KIT: variants seen among roughly 807,000 people sequenced by gnomAD.
KIT encodes mast/stem cell growth factor receptor Kit.
KIT carries 16 observed loss-of-function variants against 105.7 expected under a neutral mutation model. The observed-to-expected ratio is 0.15, with a 90% CI of 0.10 to 0.23. The LOEUF (loss-of-function observed/expected upper bound fraction) is 0.23. Among genes scored for constraint, KIT ranks in the 10% least tolerant of loss-of-function variants. The probability of loss-of-function intolerance (pLI) is 1.00; values close to 1 mark genes in which losing one functional copy is unlikely to be tolerated. For missense variants in KIT, 858 were observed against 1,213.8 expected (o/e 0.71, Z 4.36); for synonymous variants, 438 against 441.1 (o/e 0.99, Z 0.09).
intron 1 of KIT, 46 bp from the exon 2 acceptor site, chr4:54,695,466 C>T: frequency 6.2e-7 from 1 of 1,609,654 alleles, no homozygotes; most frequent in Non-Finnish European, 8.5e-7. Flanking sequence ...CTTTATTTCG[C>T]CAAGGAAGAA....
chr4:54,699,508 A>G, intron 3 of KIT, 122 bp from the exon 4 acceptor site: 1 of 1,104,250 alleles, frequency 9.1e-7, no homozygotes, highest in South Asian at 1.3e-5. Flanking sequence ...GGTTAGCACC[A>G]TGCTTTGTAT....
intron 1 of KIT, among the ~76,000 whole-genome samples, chr4:54,676,790 T>C (rs1168822021): frequency 6.6e-6 from 1 of 152,154 alleles, no homozygotes; most frequent in Non-Finnish European, 1.5e-5. Context: ...GAGTGCACGC[T>C]GCACCCCCAA....
At chr4:54,662,943 C>CTTT (rs1717389288) in intron 1 of KIT, among the ~76,000 whole-genome samples, 1 of 151,840 alleles carries the variant, frequency 6.6e-6, no homozygotes, top group Non-Finnish European at 1.5e-5. Flanking sequence ...GTTAGGAAAT[C>CTTT]ACTAGTCCTA....
chr4:54,732,045 ATTT>A (rs71662297), intron 16 of KIT, 47 bp downstream of exon 16: 20,352 of 867,270 alleles, frequency 0.023, 3 homozygotes, highest in African/African-American at 0.045. Context: ...TGTTTTTTTG[ATTT>A]TTTTTTTTTT....
intron 7 of KIT, among the ~76,000 whole-genome samples, chr4:54,720,433 G>C (rs1432983026): frequency 6.6e-6 from 1 of 152,218 alleles, no homozygotes; most frequent in Non-Finnish European, 1.5e-5. Flanking sequence ...CTGCTACCAG[G>C]TGTCACGCTA....
intron 1 of KIT, among the ~76,000 whole-genome samples, chr4:54,690,061 G>GT (rs1321304858): frequency 2.2e-5 from 3 of 137,508 alleles, no homozygotes; most frequent in Non-Finnish European, 3.3e-5. Flanking sequence ...TTTTTTGTGG[G>GT]GGGGGGGGGC....
intron 1 of KIT, among the ~76,000 whole-genome samples, chr4:54,678,061 G>A (rs1020469034): frequency 6.6e-6 from 1 of 152,070 alleles, no homozygotes; most frequent in African/African-American, 2.4e-5. Flanking sequence ...TATACCTATC[G>A]TAAACGTCTG....
intron 1 of KIT, among the ~76,000 whole-genome samples, chr4:54,694,250 T>C (rs373440150): frequency 1.1e-4 from 16 of 152,242 alleles, no homozygotes; most frequent in African/African-American, 3.8e-4. Context: ...CTTCTCCTCC[T>C]CCTCCTCCTT....
intron 1 of KIT, among the ~76,000 whole-genome samples, chr4:54,658,430 G>A (rs544846679): frequency 3.3e-5 from 5 of 152,150 alleles, no homozygotes; most frequent in Admixed American, 1.3e-4. Flanking sequence ...GGGGCTCAGG[G>A]GTTTGCACCG....
intron 17 of KIT, among the ~76,000 whole-genome samples, chr4:54,734,901 A>G (rs777282491): frequency 1.3e-5 from 2 of 152,194 alleles, no homozygotes; most frequent in Non-Finnish European, 2.9e-5. Flanking sequence ...AGCTATGAAG[A>G]TACTAAGTAA....
intron 1 of KIT, among the ~76,000 whole-genome samples, chr4:54,672,548 C>A (rs193090008): frequency 4.9e-4 from 74 of 152,160 alleles, no homozygotes; most frequent in South Asian, 1.4e-3. Flanking sequence ...TTTGCTCTCT[C>A]TTTACTCTCC....
At position 54,657,963 on chromosome 4, in the gene KIT, G is replaced by C. The variant is rs1272246179; in HGVS notation, c.-52G>C. ...CGGCTTTGCCGCGCTCGCTGCACTT[G>C]GGCGAGAGCTGGAACGTGGACCAGA... On this transcript the variant is annotated 5_prime_UTR_variant, in exon 1 of 21. Coordinates refer to ENST00000288135, the MANE Select transcript of KIT (RefSeq NM_000222.3). 6 of 1,582,126 alleles carry C rather than the reference G, an allele frequency of 3.8e-6. No individual in the cohort carries two copies. The highest frequency in any genetic ancestry group is 2.2e-5 in the East Asian group (1 of 44,478).
intron 16 of KIT, among the ~76,000 whole-genome samples, chr4:54,732,823 G>A (rs1044756757): frequency 6.6e-6 from 1 of 152,120 alleles, no homozygotes; most frequent in Non-Finnish European, 1.5e-5. Flanking sequence ...AATGAAAGCA[G>A]TCCTGAGAAG....
chr4:54,695,793 G>C lies in KIT; in HGVS notation c.337+12G>C, dbSNP rs1292239664. The C allele has an allele frequency of 6.2e-7, 1 of 1,614,144 alleles. No individual in the cohort carries two copies. Among genetic ancestry groups the C allele is most frequent in the South Asian group, 1.1e-5 (1 of 91,072 alleles). On this transcript the variant is annotated intron_variant, in intron 2 of 20. Transcript: ENST00000288135. ...TGTGTTTGTTAGAGGTAAATGCTTG[G>C]CTTTCTGCAGTGCTGTGCTTTCAAG...
intron 11 of KIT, 35 bp from the exon 12 acceptor site, chr4:54,727,788 C>A (rs781025990): frequency 2.9e-5 from 44 of 1,534,786 alleles, no homozygotes; most frequent in Non-Finnish European, 3.8e-5. Flanking sequence ...CCACCAGCAC[C>A]ATCACCACTT....
chr4:54,733,289 G>A (rs2109802839), intron 17 of KIT, 97 bp downstream of exon 17: 1 of 1,356,916 alleles, frequency 7.4e-7, no homozygotes, highest in Non-Finnish European at 1.0e-6. Context: ...TGTAAATCCT[G>A]TCTAGGGATA....
intron 6 of KIT, among the ~76,000 whole-genome samples, chr4:54,707,897 G>T (rs1720893476): frequency 7.7e-6 from 1 of 129,282 alleles, no homozygotes; most frequent in Non-Finnish European, 1.8e-5. Context: ...TAGAAGAGGA[G>T]ACAGAGGTAC....
At chr4:54,720,454 A>G (rs751363174) in intron 7 of KIT, among the ~76,000 whole-genome samples, 3 of 152,246 alleles carry the variant, frequency 2.0e-5, no homozygotes, top group African/African-American at 4.8e-5. Flanking sequence ...GAAGGCTTGG[A>G]TGTTAGAGCA....
chr4:54,720,130 C>A (rs761061862), intron 7 of KIT, among the ~76,000 whole-genome samples: 1 of 152,046 alleles, frequency 6.6e-6, no homozygotes, highest in Non-Finnish European at 1.5e-5. Flanking sequence ...TCCTTAAAGG[C>A]CCTTTAAAAA....
Sources: gnomAD v4.1 joint callset for allele counts (sites outside exome capture counted in the v4.1 genomes callset) on GRCh38, gnomAD v4.1.1 for gene constraint, MANE v1.5 for transcripts, NCBI Gene and HGNC (gene_info 2026-07-23, HGNC 2026-07-21) for gene names.